Variants in SNX9 observed in about 807,000 individuals in gnomAD.
The protein encoded by SNX9 is sorting nexin-9.
In SNX9, 44 loss-of-function variants were observed where a neutral mutation model predicts 89.4. The ratio of observed to expected loss-of-function variants is 0.49; its 90% CI spans 0.39 to 0.63. SNX9 has a LOEUF of 0.63. SNX9 is among the 30% of genes least tolerant of loss of function. SNX9 has a pLI of 0.00. For synonymous variants in SNX9, 236 were observed against 247.8 expected, an observed-to-expected ratio of 0.95 and a Z score of 0.45; for missense variants, 578 against 736.1, an observed-to-expected ratio of 0.79 and a Z score of 2.49.
At chr6:157,942,665 C>T (rs1188098900) in intron 17 of SNX9, 126 bp from the exon 18 acceptor site, 1 of 1,022,860 alleles carries the variant, frequency 9.8e-7, no homozygotes, top group Non-Finnish European at 1.5e-6. Context: ...GGGCTGGTGC[C>T]AAAAAGACCA....
intron 4 of SNX9, among the ~76,000 whole-genome samples, chr6:157,881,222 T>C (rs760061100): frequency 2.6e-5 from 4 of 152,250 alleles, no homozygotes; most frequent in Non-Finnish European, 5.9e-5. Context: ...ATCATTATTA[T>C]ATCTGTTTTG....
At chr6:157,887,090 C>T (rs1368669860) in intron 4 of SNX9, among the ~76,000 whole-genome samples, 2 of 152,130 alleles carry the variant, frequency 1.3e-5, no homozygotes, top group Non-Finnish European at 2.9e-5. Flanking sequence ...TTGCAATTTT[C>T]ACCTTGCTAT....
rs574120984 is a variant in SNX9, at chr6:157,894,277, T to C, written c.301-2550T>C. On this transcript the variant is annotated intron_variant, in intron 4 of 17. Transcript: ENST00000392185. ...GGCGCCCACCACTACACCTGACTAA[T>C]TTTTGTATTTTTAGTAGAGATGGGG... Among the ~76,000 whole-genome samples, 3 of 151,312 alleles carry C rather than the reference T, an allele frequency of 2.0e-5. No individual in the cohort carries two copies. In the East Asian group the frequency reaches 5.8e-4, roughly 29 times the overall value.
intron 9 of SNX9, among the ~76,000 whole-genome samples, chr6:157,914,035 G>A (rs1783407223): frequency 6.6e-6 from 1 of 152,154 alleles, no homozygotes. Context: ...CATTTGGCAA[G>A]TATATATTTA....
In SNX9 at chr6:157,850,878, A is replaced by G. The variant is rs931128315; in HGVS notation, c.13-16669A>G. Among the ~76,000 whole-genome samples, 11 of 152,340 alleles carry G rather than the reference A, an allele frequency of 7.2e-5. No individual in the cohort carries two copies. The East Asian group carries it at 1.3e-3, about 19-fold the overall frequency. ...CTGTCAGCTGAATAAGGCTAACGCC[A>G]TAGAAGGAAGGAGCATGCAGTTAGG... On this transcript the variant is annotated intron_variant, in intron 1 of 17. Coordinates refer to ENST00000392185, the MANE Select transcript of SNX9 (RefSeq NM_016224.5).
intron 16 of SNX9, among the ~76,000 whole-genome samples, chr6:157,940,094 C>CT (rs1418597490): frequency 6.6e-6 from 1 of 152,226 alleles, no homozygotes. Context: ...TCAGGGGCAG[C>CT]AAGGCTTCCC....
chr6:157,889,596 A>G (rs1050553994), intron 4 of SNX9, among the ~76,000 whole-genome samples: 4 of 152,172 alleles, frequency 2.6e-5, no homozygotes, highest in African/African-American at 9.7e-5. Context: ...GCTGTTGTTG[A>G]CCTTTACAGT....
chr6:157,851,847 C>G (rs1453140008), intron 1 of SNX9, among the ~76,000 whole-genome samples: 1 of 152,176 alleles, frequency 6.6e-6, no homozygotes, highest in Non-Finnish European at 1.5e-5. Context: ...CCTCTGCCTC[C>G]CAAAGTGCTG....
chr6:157,887,877 A>G (rs939500435), intron 4 of SNX9, among the ~76,000 whole-genome samples: 1 of 152,156 alleles, frequency 6.6e-6, no homozygotes, highest in African/African-American at 2.4e-5. Flanking sequence ...TGACTTCCCT[A>G]CAGGACAGTT....
Position 157,901,942 on chromosome 6 carries a change from A to G in SNX9, c.517A>G (p.Lys173Glu). Reference sequence around the variant, plus strand: ...CTGGGATGAAGACTGGGATGGGCCCAAATCCTCTTCCTACTTTAAGGATTC... The same window carrying G: ...CTGGGATGAAGACTGGGATGGGCCCGAATCCTCTTCCTACTTTAAGGATTC... ...DDWDEDWDGP[K>E]SSSYFKDSES... The change falls in exon 6 of 18, where the codon AAA becomes GAA. Residue 173 changes from lysine to glutamate, a missense_variant. Physicochemically the swap from Lys to Glu is moderately conservative, Grantham distance 56. Transcript: ENST00000392185. The G allele has an allele frequency of 6.2e-7, 1 of 1,613,526 alleles. No homozygotes were observed. The highest frequency in any genetic ancestry group is 8.5e-7 in the Non-Finnish European group (1 of 1,179,760).
chr6:157,878,245 G>C (rs1169710567), intron 4 of SNX9, among the ~76,000 whole-genome samples: 1 of 152,222 alleles, frequency 6.6e-6, no homozygotes, highest in Non-Finnish European at 1.5e-5. Flanking sequence ...CGCTTTATCA[G>C]CCAAAACGCA....
At chr6:157,936,416 G>T (rs1246795242) in intron 14 of SNX9, among the ~76,000 whole-genome samples, 1 of 152,180 alleles carries the variant, frequency 6.6e-6, no homozygotes, top group East Asian at 1.9e-4. Flanking sequence ...GGCTGAGGTA[G>T]GAAGATTGCT....
chr6:157,889,673 A>C (rs1248908621), intron 4 of SNX9, among the ~76,000 whole-genome samples: 2 of 152,200 alleles, frequency 1.3e-5, no homozygotes, highest in African/African-American at 4.8e-5. Context: ...TGGAATAGAA[A>C]ATATCTTAAG....
intron 1 of SNX9, among the ~76,000 whole-genome samples, chr6:157,858,928 A>G (rs1411060517): frequency 6.6e-6 from 1 of 152,218 alleles, no homozygotes; most frequent in Non-Finnish European, 1.5e-5. Context: ...TGACACATGC[A>G]GATTATTACA....
intron 4 of SNX9, among the ~76,000 whole-genome samples, chr6:157,887,850 A>G (rs1782769576): frequency 6.6e-6 from 1 of 152,150 alleles, no homozygotes; most frequent in South Asian, 2.1e-4. Context: ...CGTCCACTAT[A>G]TAAATGTTTG....
chr6:157,867,326 T>G (rs1405508149), intron 1 of SNX9, among the ~76,000 whole-genome samples: 2 of 152,326 alleles, frequency 1.3e-5, no homozygotes, highest in East Asian at 3.9e-4. Context: ...GCCAGAAACC[T>G]TCCCTGCCTC....
chr6:157,830,002 C>G (rs1781452245), intron 1 of SNX9, among the ~76,000 whole-genome samples: 2 of 152,176 alleles, frequency 1.3e-5, no homozygotes, highest in African/African-American at 4.8e-5. Context: ...TACTTAATAT[C>G]ATTAGCCTTT....
intron 7 of SNX9, 46 bp from the exon 8 acceptor site, chr6:157,909,619 A>G: frequency 1.9e-6 from 3 of 1,607,628 alleles, no homozygotes; most frequent in Non-Finnish European, 2.5e-6. Context: ...TGTATTTATT[A>G]TTTTTCCATG....
intron 2 of SNX9, 32 bp downstream of exon 2, chr6:157,867,665 C>A (rs768050983): frequency 1.4e-5 from 20 of 1,474,674 alleles, no homozygotes; most frequent in Middle Eastern, 1.7e-4. Flanking sequence ...GTCTGATTGT[C>A]CCATGTGGAC....
Sources: allele counts gnomAD v4.1 joint callset (sites outside exome capture counted in the v4.1 genomes callset), GRCh38; gene constraint gnomAD v4.1.1; transcripts MANE v1.5; gene names NCBI Gene and HGNC (gene_info 2026-07-23, HGNC 2026-07-21).